CCDC148: variants seen among roughly 807,000 people sequenced by gnomAD.
The protein encoded by CCDC148 is coiled-coil domain containing 148, also known as coiled-coil domain-containing protein 148.
In CCDC148, 89 loss-of-function variants were observed where a neutral mutation model predicts 85.7. The observed-to-expected ratio is 1.04, with a 90% CI of 0.87 to 1.24. The LOEUF (loss-of-function observed/expected upper bound fraction) is 1.24, where lower values mean the gene tolerates loss of function less well. CCDC148 is among the 50% of genes most tolerant of loss of function. CCDC148 has a pLI of 0.00. For synonymous variants in CCDC148, 230 were observed against 213.9 expected, an observed-to-expected ratio of 1.08 and a Z score of -0.66; for missense variants, 692 against 671.7, an observed-to-expected ratio of 1.03 and a Z score of -0.33.
chr2:158,224,083 C>T (rs1325318225), intron 10 of CCDC148, among the ~76,000 whole-genome samples: 2 of 152,104 alleles, frequency 1.3e-5, no homozygotes, highest in East Asian at 1.9e-4. Context: ...AAAAATTAGA[C>T]GAATGGCTAA....
rs1691039242 is a variant in CCDC148 at position 158,294,008 on chromosome 2, CCTTCCTTCCTTCCTTCCTTCCT to C, written c.1110+15403_1110+15424del. Among the ~76,000 whole-genome samples the C allele has an allele frequency of 9.3e-3, 101 of 10,910 alleles. 7 individuals are homozygous for C. The highest frequency in any genetic ancestry group is 0.042 in the African/African-American group (87 of 2,094). The allele number at this position is 10,910 out of a possible 152,430, so 7.2% of individuals were successfully genotyped here. On this transcript the variant is annotated intron_variant, in intron 9 of 13. Coordinates refer to ENST00000283233, the MANE Select transcript of CCDC148 (RefSeq NM_138803.4). Reference sequence around the variant, plus strand: ...TCCCTCCCTCCCTCCCTCCCTCCTTCCTTCCTTCCTTCCTTCCTTCCTTCCTTCCTTCCTTCCTTCCTTCCTT... The same window carrying C: ...TCCCTCCCTCCCTCCCTCCCTCCTTCTCCTTCCTTCCTTCCTTCCTTCCTT...
intron 1 of CCDC148, among the ~76,000 whole-genome samples, chr2:158,375,387 T>G (rs1018367299): frequency 2.0e-5 from 3 of 152,152 alleles, no homozygotes; most frequent in African/African-American, 7.2e-5. Context: ...GCTTTTCTTC[T>G]GATTAATGGT....
chr2:158,369,705 A>G (rs2105278316), intron 1 of CCDC148, among the ~76,000 whole-genome samples: 1 of 152,210 alleles, frequency 6.6e-6, no homozygotes, highest in South Asian at 2.1e-4. Context: ...TTCCAATACT[A>G]TGTTGAACAG....
chr2:158,224,100 T>A (rs946975261), intron 10 of CCDC148, among the ~76,000 whole-genome samples: 1 of 151,842 alleles, frequency 6.6e-6, no homozygotes, highest in Non-Finnish European at 1.5e-5. Context: ...CTAACTAGAA[T>A]AACCAATGCA....
At chr2:158,335,065 C>T (rs1166850877) in intron 7 of CCDC148, among the ~76,000 whole-genome samples, 1 of 152,034 alleles carries the variant, frequency 6.6e-6, no homozygotes, top group Non-Finnish European at 1.5e-5. Context: ...GACCAATGGC[C>T]CTTAAAATTC....
At chr2:158,422,356 G>A (rs970941716) in intron 1 of CCDC148, among the ~76,000 whole-genome samples, 12 of 151,900 alleles carry the variant, frequency 7.9e-5, no homozygotes, top group Admixed American at 2.6e-4. Context: ...CTGGCAAACC[G>A]AATCCAGCAT....
chr2:158,231,129 G>A (rs1263123146), intron 10 of CCDC148, among the ~76,000 whole-genome samples: 2 of 152,126 alleles, frequency 1.3e-5, no homozygotes, highest in Non-Finnish European at 2.9e-5. Flanking sequence ...CCTAAATTAA[G>A]GAGATAGCCA....
At chr2:158,389,182 T>C (rs1006568113) in intron 1 of CCDC148, among the ~76,000 whole-genome samples, 2 of 152,200 alleles carry the variant, frequency 1.3e-5, no homozygotes, top group African/African-American at 2.4e-5. Flanking sequence ...CTTAAAAATC[T>C]CACAGCATAT....
chr2:158,223,472 G>A (rs959962832), intron 10 of CCDC148, among the ~76,000 whole-genome samples: 2 of 152,208 alleles, frequency 1.3e-5, no homozygotes, highest in Non-Finnish European at 1.5e-5. Flanking sequence ...GAAGAGTGTA[G>A]TGGTTCTCCC....
chr2:158,421,716 G>A (rs953973492), intron 1 of CCDC148, among the ~76,000 whole-genome samples: 1 of 152,106 alleles, frequency 6.6e-6, no homozygotes, highest in African/African-American at 2.4e-5. Flanking sequence ...AAAGCTAGCA[G>A]AAGGCAAGAA....
intron 9 of CCDC148, among the ~76,000 whole-genome samples, chr2:158,276,645 A>T (rs1441924280): frequency 1.3e-5 from 2 of 152,200 alleles, no homozygotes; most frequent in Admixed American, 6.5e-5. Context: ...GCATGAAGTT[A>T]TCACATTAAG....
intron 1 of CCDC148, among the ~76,000 whole-genome samples, chr2:158,434,791 T>C (rs899993965): frequency 4.6e-5 from 7 of 152,200 alleles, no homozygotes; most frequent in African/African-American, 1.7e-4. Context: ...AATGACCTGA[T>C]GGAGCTGAAA....
chr2:158,442,361 G>C (rs1340248515), intron 1 of CCDC148, among the ~76,000 whole-genome samples: 3 of 152,108 alleles, frequency 2.0e-5, no homozygotes, highest in African/African-American at 7.2e-5. Flanking sequence ...CCTGTCGAAA[G>C]GACAATTCTT....
In CCDC148 at chr2:158,430,859, C is replaced by T. The variant is rs544122334; in HGVS notation, c.25+25556G>A. 5.3e-5 allele frequency among the ~76,000 whole-genome samples: 8 copies of T among 151,394 alleles called. No homozygotes were observed. In the East Asian group the frequency reaches 1.5e-3, roughly 29 times the overall value. On this transcript the variant is annotated intron_variant, in intron 1 of 13. Transcript: ENST00000283233. ...TAAGTGTTATGAGTATGCTCCAGGGCTTAAAAGAAAACATAAACATAATAA... is the reference window on the plus strand; with the variant it reads ...TAAGTGTTATGAGTATGCTCCAGGGTTTAAAAGAAAACATAAACATAATAA...
chr2:158,354,087 G>C (rs1354564256), intron 2 of CCDC148, among the ~76,000 whole-genome samples: 24 of 151,670 alleles, frequency 1.6e-4, no homozygotes, highest in Non-Finnish European at 3.4e-4. Flanking sequence ...AGTGTGTACA[G>C]GGAAATTTAT....
intron 9 of CCDC148, among the ~76,000 whole-genome samples, chr2:158,298,986 G>A (rs1451366375): frequency 6.6e-6 from 1 of 152,128 alleles, no homozygotes; most frequent in Non-Finnish European, 1.5e-5. Context: ...TCTCTAAACA[G>A]TGTTGAGCCT....
intron 10 of CCDC148, among the ~76,000 whole-genome samples, chr2:158,234,103 G>C (rs988286044): frequency 3.9e-5 from 6 of 152,022 alleles, no homozygotes; most frequent in Admixed American, 2.6e-4. Flanking sequence ...TTGAACCTGG[G>C]AGACAGAGGT....
intron 2 of CCDC148, among the ~76,000 whole-genome samples, chr2:158,356,763 T>C (rs1421689020): frequency 1.4e-5 from 2 of 144,764 alleles, no homozygotes; most frequent in Non-Finnish European, 3.0e-5. Flanking sequence ...ATCATGCTGC[T>C]ATAAAGACAC....
chr2:158,416,408 A>G (rs1377629045), intron 1 of CCDC148, among the ~76,000 whole-genome samples: 3 of 152,138 alleles, frequency 2.0e-5, no homozygotes, highest in Admixed American at 2.0e-4. Flanking sequence ...GCTCACACAT[A>G]TGAGCATATC....
Sources: allele counts gnomAD v4.1 joint callset (sites outside exome capture counted in the v4.1 genomes callset), GRCh38; gene constraint gnomAD v4.1.1; transcripts MANE v1.5; gene names NCBI Gene and HGNC (gene_info 2026-07-23, HGNC 2026-07-21).